ERC2: variants seen among roughly 807,000 people sequenced by gnomAD.
ERC2 encodes the protein ERC protein 2.
A neutral mutation model predicts 114.8 loss-of-function variants in ERC2; 42 were observed. That is an observed-to-expected ratio of 0.37 (90% CI 0.29 to 0.47). ERC2 has a LOEUF of 0.47. Ranked by LOEUF, ERC2 falls within the 20% of genes least tolerant of loss-of-function variation. The pLI is 0.99. For missense variants in ERC2, 939 were observed against 1,150.7 expected (o/e 0.82, Z 2.66); for synonymous variants, 454 against 425.5 (o/e 1.07, Z -0.82).
chr3:56,393,671 A>G (rs868061838), intron 2 of ERC2, among the ~76,000 whole-genome samples: 5 of 152,236 alleles, frequency 3.3e-5, no homozygotes, highest in African/African-American at 7.2e-5. Context: ...CTGAGATCCT[A>G]ATAAATTTAT....
Position 55,886,716 on chromosome 3 carries a change from A to G in ERC2, c.2564+1673T>C, listed in dbSNP as rs1042135668. Among the ~76,000 whole-genome samples the G allele has an allele frequency of 2.6e-5, 4 of 152,222 alleles. No individual in the cohort carries two copies. In the East Asian group the frequency reaches 7.7e-4, roughly 29 times the overall value. On this transcript the variant is annotated intron_variant, in intron 14 of 17. Transcript: ENST00000288221. ...TTTAAATTCATACACATATTCCACAACTAATTACATAAGTTAATCTTTTAA... is the reference window on the plus strand; with the variant it reads ...TTTAAATTCATACACATATTCCACAGCTAATTACATAAGTTAATCTTTTAA...
At chr3:55,538,820 T>A (rs2054174091) in intron 17 of ERC2, among the ~76,000 whole-genome samples, 1 of 152,212 alleles carries the variant, frequency 6.6e-6, no homozygotes, top group Non-Finnish European at 1.5e-5. Flanking sequence ...GTTTTGCTTT[T>A]AACCGCCTAT....
At chr3:56,430,142 C>A (rs2107323917) in intron 2 of ERC2, among the ~76,000 whole-genome samples, 1 of 152,292 alleles carries the variant, frequency 6.6e-6, no homozygotes, top group South Asian at 2.1e-4. Flanking sequence ...ATCATTAGAA[C>A]TTAGGTTAGT....
rs541269977 is a variant in ERC2 at position 55,957,180 on chromosome 3, G to A, written c.2268-6620C>T. Among the ~76,000 whole-genome samples the A allele has an allele frequency of 9.9e-5, 15 of 152,108 alleles. No homozygotes were observed. The South Asian group carries it at 2.9e-3, about 29-fold the overall frequency. ...TTTTAGCCTCCACCTTGTAGCATCA[G>A]GCCCCACTAGCAAAACCCTCCTTCA... is the stretch of plus-strand genomic sequence containing the variant. On this transcript the variant is annotated intron_variant, in intron 12 of 17. Transcript: ENST00000288221.
At chr3:56,068,759 G>A (rs565972410) in intron 7 of ERC2, among the ~76,000 whole-genome samples, 1 of 152,150 alleles carries the variant, frequency 6.6e-6, no homozygotes, top group African/African-American at 2.4e-5. Flanking sequence ...TGCTCTCATT[G>A]GTTTCAAAGA....
At chr3:56,267,616 A>AC (rs764865103) in intron 3 of ERC2, among the ~76,000 whole-genome samples, 493 of 16,802 alleles carry the variant, frequency 0.029, 4 homozygotes, top group Non-Finnish European at 0.06. Flanking sequence ...CTAAAAATAC[A>AC]AAAAAAAAAA....
chr3:55,754,017 A>G (rs2066891694), intron 14 of ERC2, among the ~76,000 whole-genome samples: 1 of 152,106 alleles, frequency 6.6e-6, no homozygotes, highest in Non-Finnish European at 1.5e-5. Context: ...AAATATGTAA[A>G]CCATTTAGCA....
At position 55,691,574 on chromosome 3, in the gene ERC2, A is replaced by ATATATATATATG. The variant is rs1491179732; in HGVS notation, c.2848-7716_2848-7715insCATATATATATA. Among the ~76,000 whole-genome samples, 4 of 48,328 alleles carry ATATATATATATG rather than the reference A, an allele frequency of 8.3e-5. No homozygotes were observed. The East Asian group carries it at 2.9e-3, about 35-fold the overall frequency. 31.7% of individuals were successfully genotyped at this position (48,328 alleles called of 152,430 possible). A position where few individuals can be genotyped will look rare whatever the true frequency, so the allele number is the denominator to read the frequency against. On this transcript the variant is annotated intron_variant, in intron 16 of 17. Transcript: ENST00000288221. Reference sequence around the variant, plus strand: ...AAAAAAAAAAAAAAAAAAAAAAAAAATATATATATATATATATATATATAT... The same window carrying ATATATATATATG: ...AAAAAAAAAAAAAAAAAAAAAAAAAATATATATATATGTATATATATATATATATATATATAT...
intron 2 of ERC2, among the ~76,000 whole-genome samples, chr3:56,331,105 A>G (rs2057590463): frequency 6.6e-6 from 1 of 152,088 alleles, no homozygotes; most frequent in African/African-American, 2.4e-5. Context: ...GCTCCTGTAG[A>G]CCCTCTTCTT....
chr3:55,925,696 G>A lies in ERC2; in HGVS notation c.2403+24729C>T, dbSNP rs377618605. Among the ~76,000 whole-genome samples, 84 of 152,002 alleles carry A rather than the reference G, an allele frequency of 5.5e-4. 2 individuals carry two copies. The South Asian group carries it at 0.016, about 29-fold the overall frequency. On this transcript the variant is annotated intron_variant, in intron 13 of 17. Transcript: ENST00000288221. ...TCTGGAAAAAGTTCCAAGAAGAAAA[G>A]ATTTAAAGACAAAACCAAGTTTGGA...
At chr3:56,050,509 G>A (rs181537015) in intron 7 of ERC2, among the ~76,000 whole-genome samples, 5 of 152,200 alleles carry the variant, frequency 3.3e-5, no homozygotes, top group Admixed American at 2.0e-4. Flanking sequence ...TGCCTAATTC[G>A]CCAGCCTCCT....
intron 14 of ERC2, among the ~76,000 whole-genome samples, chr3:55,813,047 C>A (rs1164449280): frequency 2.0e-5 from 3 of 152,214 alleles, no homozygotes; most frequent in African/African-American, 7.2e-5. Context: ...TGAGAAAATA[C>A]TGTCATTATC....
At chr3:55,909,717 T>C (rs1029126115) in intron 13 of ERC2, among the ~76,000 whole-genome samples, 13 of 152,044 alleles carry the variant, frequency 8.6e-5, no homozygotes, top group African/African-American at 3.1e-4. Flanking sequence ...CTTCCCTCAA[T>C]CACTCTGGGC....
chr3:56,138,062 T>C (rs2080622803), intron 6 of ERC2, among the ~76,000 whole-genome samples: 1 of 141,842 alleles, frequency 7.1e-6, no homozygotes, highest in African/African-American at 2.6e-5. Flanking sequence ...TTTTTTTTTT[T>C]TTTTTTTTTT....
intron 3 of ERC2, among the ~76,000 whole-genome samples, chr3:56,236,059 T>C (rs776563620): frequency 8.5e-5 from 13 of 152,188 alleles, no homozygotes; most frequent in Non-Finnish European, 1.9e-4. Context: ...GATGTGATAA[T>C]CTTAGTTGAT....
At chr3:55,822,665 C>T (rs569291240) in intron 14 of ERC2, among the ~76,000 whole-genome samples, 11 of 149,498 alleles carry the variant, frequency 7.4e-5, no homozygotes, top group Non-Finnish European at 1.6e-4. Flanking sequence ...CCTGGGTTCA[C>T]GCCATTCTCC....
At chr3:56,239,532 A>G (rs560679924) in intron 3 of ERC2, among the ~76,000 whole-genome samples, 6 of 152,276 alleles carry the variant, frequency 3.9e-5, no homozygotes, top group South Asian at 2.1e-4. Flanking sequence ...TAAAAAGAAG[A>G]TAAAAAGAAT....
At chr3:55,884,996 G>A (rs2063296895) in intron 14 of ERC2, among the ~76,000 whole-genome samples, 1 of 152,136 alleles carries the variant, frequency 6.6e-6, no homozygotes, top group African/African-American at 2.4e-5. Flanking sequence ...AGAGAGTGAT[G>A]TTTAATGTTA....
chr3:56,204,475 G>GTTTTTATTTTATTTTATTTT (rs2048589192), intron 3 of ERC2, among the ~76,000 whole-genome samples: 1 of 33,692 alleles, frequency 3.0e-5, no homozygotes, highest in Non-Finnish European at 8.1e-5. Context: ...TTAATTAGAT[G>GTTTTTATTTTATTTTATTTT]CTTTTATTTT....
Sources: gnomAD v4.1 joint callset for allele counts (sites outside exome capture counted in the v4.1 genomes callset) on GRCh38, gnomAD v4.1.1 for gene constraint, MANE v1.5 for transcripts, NCBI Gene and HGNC (gene_info 2026-07-23, HGNC 2026-07-21) for gene names.